The following CRTAC1 variants were observed in gnomAD, a reference collection of about 807,000 sequenced individuals.
CRTAC1 encodes acidic secreted protein in cartilage.
CRTAC1 carries 37 observed loss-of-function variants against 67.8 expected under a neutral mutation model. That is an observed-to-expected ratio of 0.55 (90% CI 0.42 to 0.72). The LOEUF (loss-of-function observed/expected upper bound fraction) is 0.72, where lower values mean the gene tolerates loss of function less well. Ranked by LOEUF, CRTAC1 falls within the 30% of genes least tolerant of loss-of-function variation. CRTAC1 has a pLI of 0.00. For missense variants in CRTAC1, 780 were observed against 931.6 expected, an observed-to-expected ratio of 0.84 and a Z score of 2.12; for synonymous variants, 348 against 371.0, an observed-to-expected ratio of 0.94 and a Z score of 0.71.
Position 97,865,595 on chromosome 10 carries a change from G to C in CRTAC1, c.1939C>G (p.Leu647Val). ...TCCTTAACCACCGACCCCAGATTGA[G>C]ATCTCCATCTACGAGGACCGGTGCA... The part of the protein sequence containing the change: ...TAAPVLVDGD[L>V]NLGSVVKESC... The change falls in exon 15 of 15, where the codon CTC becomes GTC. Residue 647 changes from leucine to valine, a missense_variant. Coordinates refer to ENST00000370597, the MANE Select transcript of CRTAC1 (RefSeq NM_018058.7). 1 of 1,613,426 alleles carries C rather than the reference G, an allele frequency of 6.2e-7. No individual in the cohort carries two copies. The highest frequency in any genetic ancestry group is 1.3e-5 in the African/African-American group (1 of 75,060).
At chr10:98,014,654 G>A (rs1167812866) in intron 1 of CRTAC1, among the ~76,000 whole-genome samples, 1 of 152,050 alleles carries the variant, frequency 6.6e-6, no homozygotes, top group Non-Finnish European at 1.5e-5. Context: ...CAAATGACTT[G>A]AATAGACATT....
intron 2 of CRTAC1, among the ~76,000 whole-genome samples, chr10:97,976,960 G>C (rs973704478): frequency 6.6e-6 from 1 of 152,088 alleles, no homozygotes; most frequent in African/African-American, 2.4e-5. Flanking sequence ...TGTTCATTTC[G>C]GCCCAGGGAT....
intron 7 of CRTAC1, among the ~76,000 whole-genome samples, chr10:97,903,263 G>A (rs1338633121): frequency 3.5e-5 from 5 of 144,184 alleles, no homozygotes; most frequent in Non-Finnish European, 7.6e-5. Context: ...CTATCCCTGG[G>A]CTCTGCATAC....
chr10:97,931,945 C>T (rs1564900146), intron 3 of CRTAC1, among the ~76,000 whole-genome samples: 1 of 152,168 alleles, frequency 6.6e-6, no homozygotes, highest in African/African-American at 2.4e-5. Flanking sequence ...CACTCTCCTA[C>T]CTGGTTTCAC....
intron 2 of CRTAC1, among the ~76,000 whole-genome samples, chr10:97,949,835 G>A (rs1226751235): frequency 6.6e-6 from 1 of 152,234 alleles, no homozygotes; most frequent in South Asian, 2.1e-4. Flanking sequence ...CAGGCCATAG[G>A]GCTGTGCAGA....
chr10:97,970,056 C>T (rs928506618), intron 2 of CRTAC1, among the ~76,000 whole-genome samples: 1 of 152,212 alleles, frequency 6.6e-6, no homozygotes, highest in Non-Finnish European at 1.5e-5. Context: ...TCTAGACCTA[C>T]TCCTGCTGTC....
At chr10:98,027,131 C>A (rs1204027492) in intron 1 of CRTAC1, among the ~76,000 whole-genome samples, 2 of 150,746 alleles carry the variant, frequency 1.3e-5, no homozygotes, top group African/African-American at 4.9e-5. Context: ...TGCGCCACTG[C>A]ACTCCAGCCT....
chr10:97,941,671 CTACCTCCAAA>C (rs1239058981), intron 2 of CRTAC1, among the ~76,000 whole-genome samples: 11 of 152,090 alleles, frequency 7.2e-5, no homozygotes, highest in African/African-American at 2.4e-4. Flanking sequence ...CCTGTCGTTT[CTACCTCCAAA>C]AATGTTTCAC....
chr10:98,009,859 T>C (rs1170079901), intron 2 of CRTAC1, among the ~76,000 whole-genome samples: 2 of 152,176 alleles, frequency 1.3e-5, no homozygotes, highest in South Asian at 4.1e-4. Context: ...TCCCGACTTA[T>C]CTACTTACTA....
intron 14 of CRTAC1, among the ~76,000 whole-genome samples, chr10:97,877,960 A>AT (rs2050166561): frequency 6.6e-6 from 1 of 152,138 alleles, no homozygotes; most frequent in African/African-American, 2.4e-5. Flanking sequence ...TTATCTTGTC[A>AT]TTTACCACTG....
chr10:98,002,761 CTTTTTTTTTTTTTTTTTTTTTTTT>C (rs531021933), intron 2 of CRTAC1, among the ~76,000 whole-genome samples: 5 of 37,268 alleles, frequency 1.3e-4, no homozygotes, highest in Non-Finnish European at 1.7e-4. Context: ...ACAAAACTCA[CTTTTTTTTTTTTTTTTTTTTTTTT>C]TTTTTTTTTT....
chr10:97,939,042 C>A (rs542037756), intron 2 of CRTAC1, among the ~76,000 whole-genome samples: 1 of 152,298 alleles, frequency 6.6e-6, no homozygotes, highest in South Asian at 2.1e-4. Flanking sequence ...GCAGGTGCTC[C>A]CTGCCCCAGG....
chr10:98,009,581 A>G (rs541452492), intron 2 of CRTAC1, among the ~76,000 whole-genome samples: 2 of 152,302 alleles, frequency 1.3e-5, no homozygotes, highest in African/African-American at 4.8e-5. Flanking sequence ...TAAATTGCAT[A>G]GGGTTTATAG....
Position 97,971,893 on chromosome 10 carries a change from A to G in CRTAC1, c.225-35527T>C, listed in dbSNP as rs2051718431. Among the ~76,000 whole-genome samples the G allele has an allele frequency of 2.6e-5, 4 of 152,316 alleles. No homozygotes were observed. In the South Asian group the frequency reaches 8.3e-4, roughly 32 times the overall value. On this transcript the variant is annotated intron_variant, in intron 2 of 14. Coordinates refer to ENST00000370597, the MANE Select transcript of CRTAC1 (RefSeq NM_018058.7). ...TAAGGTTTCAGTAACCAGAGTGGCT[A>G]GTAACTCTGCCCTAAGAGGAAACGC...
At chr10:97,913,482 C>A (rs1439744526) in intron 5 of CRTAC1, among the ~76,000 whole-genome samples, 2 of 152,112 alleles carry the variant, frequency 1.3e-5, no homozygotes, top group Non-Finnish European at 2.9e-5. Context: ...GGGGTATAAC[C>A]CAGAGAGGCT....
chr10:97,941,553 A>C, intron 2 of CRTAC1, among the ~76,000 whole-genome samples: 1 of 150,194 alleles, frequency 6.7e-6, no homozygotes, highest in African/African-American at 2.5e-5. Flanking sequence ...GCTACTGACC[A>C]CTCCACCCCT....
At position 97,882,345 on chromosome 10, in the gene CRTAC1, G is replaced by T. The variant is rs12261148; in HGVS notation, c.1675+441C>A. On this transcript the variant is annotated intron_variant, in intron 13 of 14. Transcript: ENST00000370597. ...CCTGCCTGCCCCAGTACTGCACCAGGCTGCAGTCTCCGTTCCACACTGTGA... is the reference window on the plus strand; with the variant it reads ...CCTGCCTGCCCCAGTACTGCACCAGTCTGCAGTCTCCGTTCCACACTGTGA... 1.1e-3 allele frequency among the ~76,000 whole-genome samples: 166 copies of T among 152,312 alleles called. 1 individual carries two copies. Among genetic ancestry groups the T allele is most frequent in the African/African-American group, 3.9e-3 (164 of 41,570 alleles).
At chr10:98,023,735 G>C (rs2136707979) in intron 1 of CRTAC1, among the ~76,000 whole-genome samples, 1 of 152,294 alleles carries the variant, frequency 6.6e-6, no homozygotes, top group East Asian at 1.9e-4. Context: ...ACCTCCAGAG[G>C]CTAAGGGACC....
chr10:97,969,341 C>T (rs1055953958), intron 2 of CRTAC1, among the ~76,000 whole-genome samples: 1 of 152,104 alleles, frequency 6.6e-6, no homozygotes, highest in African/African-American at 2.4e-5. Context: ...CCATCCCCTC[C>T]CAGCCCCTTG....
Sources: gnomAD v4.1 joint callset for allele counts (sites outside exome capture counted in the v4.1 genomes callset) on GRCh38, gnomAD v4.1.1 for gene constraint, MANE v1.5 for transcripts, NCBI Gene and HGNC (gene_info 2026-07-23, HGNC 2026-07-21) for gene names.